The following MEGF10 variants were observed in gnomAD, a reference collection of about 807,000 sequenced individuals.
MEGF10 encodes multiple EGF like domains 10.
Under a neutral mutation model 147.5 loss-of-function variants are expected in MEGF10, and 86 were observed. The observed-to-expected ratio is 0.58, with a 90% CI of 0.49 to 0.70. The LOEUF is 0.70. Among genes scored for constraint, MEGF10 ranks in the 30% least tolerant of loss-of-function variants. The probability of loss-of-function intolerance (pLI) is 0.00; values close to 1 mark genes in which losing one functional copy is unlikely to be tolerated. For missense variants in MEGF10, 1,329 were observed against 1,487.3 expected (o/e 0.89, Z 1.75); for synonymous variants, 478 against 525.5 (o/e 0.91, Z 1.24).
At chr5:127,312,928 G>A (rs1016621016) in intron 1 of MEGF10, among the ~76,000 whole-genome samples, 2 of 152,030 alleles carry the variant, frequency 1.3e-5, no homozygotes, top group Non-Finnish European at 2.9e-5. Context: ...CATCTGAAAA[G>A]GTCTGTCTTT....
the MEGF10 span, among the ~76,000 whole-genome samples, chr5:127,268,311 A>G: frequency 6.6e-6 from 1 of 152,146 alleles, no homozygotes; most frequent in Non-Finnish European, 1.5e-5. Flanking sequence ...GTTCTTTTAC[A>G]TTTGCTGAGG....
At chr5:127,275,270 T>G in the MEGF10 span, among the ~76,000 whole-genome samples, 1 of 152,228 alleles carries the variant, frequency 6.6e-6, no homozygotes, top group East Asian at 1.9e-4. Context: ...GCATTCCAAG[T>G]GTTTCAAGTA....
At chr5:127,275,138 A>C in the MEGF10 span, among the ~76,000 whole-genome samples, 3 of 152,352 alleles carry the variant, frequency 2.0e-5, no homozygotes, top group African/African-American at 4.8e-5. Context: ...AAGCTTAGAC[A>C]GTACTAACAT....
the MEGF10 span, among the ~76,000 whole-genome samples, chr5:127,245,347 A>G: frequency 6.6e-6 from 1 of 152,208 alleles, no homozygotes; most frequent in Non-Finnish European, 1.5e-5. Context: ...ACAAAACACA[A>G]GGAATGGGGA....
chr5:127,409,494 G>A (rs538054759), intron 8 of MEGF10: 1 of 152,338 alleles, frequency 6.6e-6, no homozygotes, highest in South Asian at 2.1e-4. Context: ...AGAACTATTT[G>A]TGCTTTCCAT....
intron 1 of MEGF10, among the ~76,000 whole-genome samples, chr5:127,293,649 G>A (rs914106826): frequency 6.6e-6 from 1 of 152,148 alleles, no homozygotes; most frequent in African/African-American, 2.4e-5. Context: ...GTTTAATAGT[G>A]TATTTCTAAA....
intron 9 of MEGF10, among the ~76,000 whole-genome samples, chr5:127,414,597 T>C (rs1764686159): frequency 6.6e-6 from 1 of 152,200 alleles, no homozygotes. Flanking sequence ...TGTATACATA[T>C]ATACTGAGGA....
chr5:127,230,046 T>A, the MEGF10 span, among the ~76,000 whole-genome samples: 1 of 152,000 alleles, frequency 6.6e-6, no homozygotes, highest in East Asian at 1.9e-4. Flanking sequence ...ATCTAAAATT[T>A]TAGTTTTTGG....
At chr5:127,353,201 G>A (rs1762151092) in intron 4 of MEGF10, among the ~76,000 whole-genome samples, 1 of 152,208 alleles carries the variant, frequency 6.6e-6, no homozygotes, top group Non-Finnish European at 1.5e-5. Flanking sequence ...ATGGAAAGGA[G>A]AGAGACTCGT....
intron 13 of MEGF10, chr5:127,424,713 C>G: frequency 3.7e-6 from 1 of 267,276 alleles, no homozygotes; most frequent in Non-Finnish European, 6.1e-6. Context: ...GAGGCCTCCC[C>G]AACCCTGTAG....
At chr5:127,296,922 A>T (rs142666257) in intron 1 of MEGF10, among the ~76,000 whole-genome samples, 118 of 152,302 alleles carry the variant, frequency 7.7e-4, no homozygotes, top group African/African-American at 2.8e-3. Context: ...TAAAAAAGTA[A>T]TAGGTTGGAG....
intron 8 of MEGF10, among the ~76,000 whole-genome samples, chr5:127,407,069 G>A (rs1263845614): frequency 6.6e-6 from 1 of 152,184 alleles, no homozygotes; most frequent in Non-Finnish European, 1.5e-5. Flanking sequence ...TGGGTGAAAG[G>A]AGGTGAAGTC....
chr5:127,352,576 G>A (rs1762121389), intron 4 of MEGF10, among the ~76,000 whole-genome samples: 1 of 152,046 alleles, frequency 6.6e-6, no homozygotes, highest in African/African-American at 2.4e-5. Flanking sequence ...CAGGAGAATC[G>A]CTTGAACCCA....
At chr5:127,434,869 C>T (rs745412185) in intron 15 of MEGF10, 48 bp downstream of exon 15, 169 of 1,582,598 alleles carry the variant, frequency 1.1e-4, no homozygotes, top group Non-Finnish European at 1.3e-4. Flanking sequence ...GAGCACGCCC[C>T]GGAGAGTCTG....
chr5:127,374,305 C>T (rs1762947612), intron 5 of MEGF10, among the ~76,000 whole-genome samples: 1 of 152,338 alleles, frequency 6.6e-6, no homozygotes, highest in South Asian at 2.1e-4. Flanking sequence ...TTTGCAATGT[C>T]TCTCTAGCGC....
intron 13 of MEGF10, 38 bp downstream of exon 13, chr5:127,422,810 G>T (rs188597807): frequency 1.3e-6 from 2 of 1,495,898 alleles, no homozygotes; most frequent in East Asian, 4.6e-5. Context: ...GGTGAAACCC[G>T]CCAATTTAAC....
intron 4 of MEGF10, 102 bp downstream of exon 4, chr5:127,340,732 T>A: frequency 1.1e-6 from 1 of 878,430 alleles, no homozygotes; most frequent in East Asian, 2.5e-5. Flanking sequence ...GATGGGTGTC[T>A]TGGAACATTC....
the MEGF10 span, among the ~76,000 whole-genome samples, chr5:127,277,602 T>A: frequency 6.6e-6 from 1 of 152,166 alleles, no homozygotes; most frequent in Non-Finnish European, 1.5e-5. Flanking sequence ...TAACTTATGT[T>A]TTAACAAGAT....
chr5:127,396,827 C>T (rs375189988), intron 6 of MEGF10, 49 bp downstream of exon 6: 1,124 of 1,576,184 alleles, frequency 7.1e-4, no homozygotes, highest in Non-Finnish European at 9.0e-4. Flanking sequence ...CCACCCTCTC[C>T]ATTCATGCTG....
Sources: gnomAD v4.1 joint callset for allele counts (sites outside exome capture counted in the v4.1 genomes callset) on GRCh38, gnomAD v4.1.1 for gene constraint, MANE v1.5 for transcripts, NCBI Gene and HGNC (gene_info 2026-07-23, HGNC 2026-07-21) for gene names.